The following VWC2L variants were observed in gnomAD, a reference collection of about 807,000 sequenced individuals.
The protein encoded by VWC2L is von Willebrand factor C domain-containing protein 2-like.
A neutral mutation model predicts 21.6 loss-of-function variants in VWC2L; 10 were observed. That is an observed-to-expected ratio of 0.46 (90% CI 0.29 to 0.78). VWC2L has a LOEUF of 0.78. Ranked by LOEUF, VWC2L falls within the 30% of genes least tolerant of loss-of-function variation. The probability of loss-of-function intolerance (pLI) is 0.10; values close to 1 mark genes in which losing one functional copy is unlikely to be tolerated. For missense variants in VWC2L, 209 were observed against 277.1 expected, an observed-to-expected ratio of 0.75 and a Z score of 1.74; for synonymous variants, 96 against 94.3, an observed-to-expected ratio of 1.02 and a Z score of -0.10.
At chr2:214,421,517 G>T (rs1345458883) in intron 2 of VWC2L, among the ~76,000 whole-genome samples, 1 of 152,140 alleles carries the variant, frequency 6.6e-6, no homozygotes, top group African/African-American at 2.4e-5. Flanking sequence ...TGTGTGACAA[G>T]CGTGACTACC....
chr2:214,521,325 C>A (rs553378844), intron 3 of VWC2L, among the ~76,000 whole-genome samples: 1 of 152,084 alleles, frequency 6.6e-6, no homozygotes, highest in African/African-American at 2.4e-5. Context: ...CATGCAGCAT[C>A]TCATTTAATC....
At chr2:214,487,408 G>GTGC (rs1559305594) in intron 3 of VWC2L, among the ~76,000 whole-genome samples, 2 of 152,276 alleles carry the variant, frequency 1.3e-5, no homozygotes, top group African/African-American at 4.8e-5. Flanking sequence ...CAAGACATAG[G>GTGC]TGCTGCTTTT....
chr2:214,543,561 C>G (rs1689660445), intron 3 of VWC2L, among the ~76,000 whole-genome samples: 1 of 151,722 alleles, frequency 6.6e-6, no homozygotes, highest in African/African-American at 2.4e-5. Flanking sequence ...AGAGCACATT[C>G]CAGAAGAACA....
rs1574647025 is a variant in VWC2L at position 214,578,146 on chromosome 2, A to G, written c.*2326A>G. 1 of 152,208 alleles carries G rather than the reference A, an allele frequency of 6.6e-6. No homozygotes were observed. Among genetic ancestry groups the G allele is most frequent in the South Asian group, 2.1e-4 (1 of 4,834 alleles). The allele number at this position is 152,208 out of a possible 1,614,324, so 9.4% of individuals were successfully genotyped here. A position where few individuals can be genotyped will look rare whatever the true frequency, so the allele number is the denominator to read the frequency against. On this transcript the variant is annotated 3_prime_UTR_variant, in exon 4 of 4. Transcript: ENST00000312504. ...TCTTGGAAAGAAATAATAATAATAA[A>G]TGACAGGAATAAGGTTTGAAACTCA...
chr2:214,505,151 C>A (rs893362812), intron 3 of VWC2L, among the ~76,000 whole-genome samples: 1 of 152,052 alleles, frequency 6.6e-6, no homozygotes, highest in Non-Finnish European at 1.5e-5. Flanking sequence ...CTGAAGTAGC[C>A]CCGGCCATAT....
At position 214,530,333 on chromosome 2, in the gene VWC2L, C is replaced by G. The variant is rs533655826; in HGVS notation, c.521-45339C>G. 2.6e-5 allele frequency among the ~76,000 whole-genome samples: 4 copies of G among 152,268 alleles called. No homozygotes were observed. The East Asian group carries it at 7.7e-4, about 29-fold the overall frequency. ...AGGAGAGAAAAGTTAATGCTAGAAGCAGAGGGGATCAAGATTACCTGTGGA... is the reference window on the plus strand; with the variant it reads ...AGGAGAGAAAAGTTAATGCTAGAAGGAGAGGGGATCAAGATTACCTGTGGA... On this transcript the variant is annotated intron_variant, in intron 3 of 3. Coordinates refer to ENST00000312504, the MANE Select transcript of VWC2L (RefSeq NM_001080500.4).
intron 3 of VWC2L, among the ~76,000 whole-genome samples, chr2:214,439,885 A>C (rs80059652): frequency 0.015 from 2,285 of 152,048 alleles, 62 homozygotes; most frequent in African/African-American, 0.052. Context: ...CAATGAAAAT[A>C]AACAATTATC....
At chr2:214,446,546 A>T (rs1702840228) in intron 3 of VWC2L, among the ~76,000 whole-genome samples, 1 of 152,220 alleles carries the variant, frequency 6.6e-6, no homozygotes, top group South Asian at 2.1e-4. Context: ...ATTTCCTGCT[A>T]ATCATATCGC....
chr2:214,558,371 T>C (rs1379572093), intron 3 of VWC2L, among the ~76,000 whole-genome samples: 1 of 152,204 alleles, frequency 6.6e-6, no homozygotes, highest in Non-Finnish European at 1.5e-5. Context: ...CAGTCAATTC[T>C]ATTCCCCTAT....
rs1690265656 is a variant in VWC2L at position 214,578,340 on chromosome 2, T to C, written c.*2520T>C. The C allele has an allele frequency of 1.3e-5, 2 of 152,166 alleles. No homozygotes were observed. Among genetic ancestry groups the C allele is most frequent in the African/African-American group, 4.8e-5 (2 of 41,444 alleles). 9.4% of individuals were successfully genotyped at this position (152,166 alleles called of 1,614,324 possible). On this transcript the variant is annotated 3_prime_UTR_variant, in exon 4 of 4. Transcript: ENST00000312504. ...AGTCACAGCAAGAATTTACTAGAATTGAATGGGACATCCATTAAGGATCTC... is the reference window on the plus strand; with the variant it reads ...AGTCACAGCAAGAATTTACTAGAATCGAATGGGACATCCATTAAGGATCTC...
chr2:214,515,234 A>G (rs1269427603), intron 3 of VWC2L, among the ~76,000 whole-genome samples: 1 of 152,114 alleles, frequency 6.6e-6, no homozygotes, highest in East Asian at 1.9e-4. Context: ...TATGTGAACA[A>G]CCTCGAACAT....
At chr2:214,494,781 T>C (rs1244524564) in intron 3 of VWC2L, among the ~76,000 whole-genome samples, 2 of 150,214 alleles carry the variant, frequency 1.3e-5, no homozygotes, top group African/African-American at 4.8e-5. Flanking sequence ...CTAGGTACTT[T>C]TTTTTTTTTA....
intron 3 of VWC2L, among the ~76,000 whole-genome samples, chr2:214,487,429 CA>C (rs902525627): frequency 6.6e-6 from 1 of 152,122 alleles, no homozygotes; most frequent in African/African-American, 2.4e-5. Context: ...AAGAGGTTTT[CA>C]AGCCTCCTAA....
chr2:214,503,086 C>T (rs181259773), intron 3 of VWC2L, among the ~76,000 whole-genome samples: 94 of 152,292 alleles, frequency 6.2e-4, no homozygotes, highest in Non-Finnish European at 3.4e-4. Flanking sequence ...CGTATCTAGG[C>T]ACGTAGCACC....
chr2:214,535,556 A>C (rs1276465323), intron 3 of VWC2L, among the ~76,000 whole-genome samples: 1 of 152,054 alleles, frequency 6.6e-6, no homozygotes, highest in Non-Finnish European at 1.5e-5. Context: ...GCCACTTCAA[A>C]TACTATAATC....
At chr2:214,491,455 G>T (rs1377171296) in intron 3 of VWC2L, among the ~76,000 whole-genome samples, 1 of 152,168 alleles carries the variant, frequency 6.6e-6, no homozygotes, top group African/African-American at 2.4e-5. Context: ...CAAAGCCAAA[G>T]ATTTTGTAAG....
chr2:214,443,633 G>T (rs1482943796), intron 3 of VWC2L, among the ~76,000 whole-genome samples: 1 of 152,020 alleles, frequency 6.6e-6, no homozygotes, highest in Non-Finnish European at 1.5e-5. Context: ...AAAAAGTAAT[G>T]ACAAATATTC....
At chr2:214,503,074 A>C (rs929926010) in intron 3 of VWC2L, among the ~76,000 whole-genome samples, 3 of 152,212 alleles carry the variant, frequency 2.0e-5, no homozygotes, top group Non-Finnish European at 4.4e-5. Context: ...ACTGGCTACC[A>C]TCGTATCTAG....
intron 2 of VWC2L, 165 bp from the exon 3 acceptor site, chr2:214,436,464 G>A (rs779805634): frequency 3.1e-4 from 264 of 844,064 alleles, no homozygotes; most frequent in Non-Finnish European, 4.1e-4. Flanking sequence ...TGACTTGGGT[G>A]TCTAACTTGC....
Sources: gnomAD v4.1 joint callset for allele counts (sites outside exome capture counted in the v4.1 genomes callset) on GRCh38, gnomAD v4.1.1 for gene constraint, MANE v1.5 for transcripts, NCBI Gene and HGNC (gene_info 2026-07-23, HGNC 2026-07-21) for gene names.